Variants in MYO5C observed in about 807,000 individuals in gnomAD.
MYO5C encodes myosin VC.
MYO5C carries 194 observed loss-of-function variants against 235.7 expected under a neutral mutation model. The observed-to-expected ratio is 0.82, with a 90% CI of 0.73 to 0.93. MYO5C has a LOEUF of 0.93. Ranked by LOEUF, MYO5C falls within the 40% of genes least tolerant of loss-of-function variation. MYO5C has a pLI of 0.00. For missense variants in MYO5C, 2,038 were observed against 2,127.2 expected (o/e 0.96, Z 0.82); for synonymous variants, 707 against 754.8 (o/e 0.94, Z 1.04).
chr15:52,235,699 T>C lies in MYO5C; in HGVS notation c.2933A>G (p.Lys978Arg), dbSNP rs1292391221. ...LETQKEQIQL[K>R]LQEKTEELKE... The stretch of plus-strand genomic sequence containing the variant: ...TAACTCTTCAGTCTTCTCTTGAAGC[T>C]TCAGCTGTATTTGTTCTTTCTGTGT... The change falls in exon 23 of 41, where the codon AAG becomes AGG. Residue 978 changes from lysine (K) to arginine (R), a missense_variant. Physicochemically the swap from Lys to Arg is conservative, Grantham distance 26. Transcript: ENST00000261839. 3 of 1,612,504 alleles carry C rather than the reference T, an allele frequency of 1.9e-6. No homozygotes were observed. In the Admixed American group the frequency reaches 5.0e-5, roughly 27 times the overall value.
rs372952786 is a variant in MYO5C at position 52,195,579 on chromosome 15, G to C, written c.4996-122C>G. 30 of 574,846 alleles carry C rather than the reference G, an allele frequency of 5.2e-5. 3 individuals carry two copies. The Middle Eastern group carries it at 6.1e-3, about 117-fold the overall frequency. The allele number at this position is 574,846 out of a possible 1,614,324, so 35.6% of individuals were successfully genotyped here. ...GGTGGTTCTTTTAGCCTATAATTTG[G>C]TTCAGGAACTGTATGTTACCTATTT... On this transcript the variant is annotated intron_variant, in intron 39 of 40. Transcript: ENST00000261839.
chr15:52,210,411 C>T (rs1196960182), intron 35 of MYO5C, among the ~76,000 whole-genome samples: 1 of 152,160 alleles, frequency 6.6e-6, no homozygotes, highest in Non-Finnish European at 1.5e-5. Flanking sequence ...GCATGGAAAA[C>T]ACTGTTATTT....
At chr15:52,194,296 G>T (rs1487718302) in intron 40 of MYO5C, among the ~76,000 whole-genome samples, 1 of 152,194 alleles carries the variant, frequency 6.6e-6, no homozygotes, top group Non-Finnish European at 1.5e-5. Context: ...TTTCCCATGG[G>T]ATGAGTTGAC....
chr15:52,234,054 A>G (rs568570565), intron 23 of MYO5C, among the ~76,000 whole-genome samples: 2 of 152,256 alleles, frequency 1.3e-5, no homozygotes, highest in South Asian at 4.1e-4. Flanking sequence ...TTTAGAAGCC[A>G]ACACGTTTTA....
intron 10 of MYO5C, among the ~76,000 whole-genome samples, chr15:52,258,958 T>G (rs1386227796): frequency 6.6e-6 from 1 of 152,138 alleles, no homozygotes; most frequent in Non-Finnish European, 1.5e-5. Flanking sequence ...CCCCACCCTC[T>G]GCTAACCTCC....
In MYO5C at chr15:52,209,167, A is replaced by C. The variant is rs538538732; in HGVS notation, c.4297-524T>G. ...CTTACAGGGCAGGAAGAAGAGGAAC[A>C]AGCAGTGAAGGCAGAGCTACAGTGA... On this transcript the variant is annotated intron_variant, in intron 35 of 40. Transcript: ENST00000261839. Among the ~76,000 whole-genome samples, 9 of 152,274 alleles carry C rather than the reference A, an allele frequency of 5.9e-5. No individual in the cohort carries two copies. In the South Asian group the frequency reaches 6.2e-4, roughly 11 times the overall value.
At chr15:52,241,962 A>T in intron 20 of MYO5C, 86 bp downstream of exon 20, 2 of 1,396,968 alleles carry the variant, frequency 1.4e-6, no homozygotes, top group Non-Finnish European at 1.9e-6. Flanking sequence ...GGTTGCCCAT[A>T]GTGAAGTCTT....
chr15:52,295,703 C>A lies in MYO5C; in HGVS notation c.-67G>T. ...CGAGGCTCGGGGGCTGGGCCTGCGCCGCAGAGGCCGGGCGCAGGAGAGACC... is the reference window on the plus strand; with the variant it reads ...CGAGGCTCGGGGGCTGGGCCTGCGCAGCAGAGGCCGGGCGCAGGAGAGACC... On this transcript the variant is annotated 5_prime_UTR_variant, in exon 1 of 41. Coordinates refer to ENST00000261839, the MANE Select transcript of MYO5C (RefSeq NM_018728.4). 2 of 1,178,970 alleles carry A rather than the reference C, an allele frequency of 1.7e-6. No homozygotes were observed. The highest frequency in any genetic ancestry group is 2.0e-5 in the South Asian group (1 of 50,566). The allele number at this position is 1,178,970 out of a possible 1,614,324, so 73.0% of individuals were successfully genotyped here. A position where few individuals can be genotyped will look rare whatever the true frequency, so the allele number is the denominator to read the frequency against.
At position 52,264,286 on chromosome 15, in the gene MYO5C, C is replaced by G. The variant is rs768708085; in HGVS notation, c.951G>C (p.Glu317Asp). Residue 317 changes from glutamate (E) to aspartate (D), a missense_variant, in exon 9 of 41, where the codon GAG becomes GAC. Transcript: ENST00000261839. Reference protein sequence around the residue: ...QKTFTLLGFKEDFQMDVFKIL... With the variant: ...QKTFTLLGFKDDFQMDVFKIL... ...TTTTAAAAACGTCCATCTGAAAATC[C>G]TCCTTGAAACCTAAAAACAAACATT... The G allele has an allele frequency of 6.2e-7, 1 of 1,613,706 alleles. No homozygotes were observed. The highest frequency in any genetic ancestry group is 8.5e-7 in the Non-Finnish European group (1 of 1,179,716).
intron 36 of MYO5C, among the ~76,000 whole-genome samples, chr15:52,207,040 G>A (rs62016465): frequency 0.042 from 6,395 of 152,114 alleles, 169 homozygotes; most frequent in Non-Finnish European, 0.06. Context: ...GGCTGAGGCA[G>A]GAGAATTGCT....
rs2036000859 is a variant in MYO5C at position 52,233,025 on chromosome 15, A to ATTCTTTGCTGTGGAGAGGGGCTG, written c.2963-341_2963-340insCAGCCCCTCTCCACAGCAAAGAA. On this transcript the variant is annotated intron_variant, in intron 23 of 40. Coordinates refer to ENST00000261839, the MANE Select transcript of MYO5C (RefSeq NM_018728.4). ...CCGGGCGCGGTGGCTCACGCCTGTA[A>ATTCTTTGCTGTGGAGAGGGGCTG]TCCCAGCACTTTGGGAGGCCGAGGC... is the stretch of plus-strand genomic sequence containing the variant. 2.9e-4 allele frequency among the ~76,000 whole-genome samples: 4 copies of ATTCTTTGCTGTGGAGAGGGGCTG among 13,726 alleles called. 2 individuals carry two copies. The highest frequency in any genetic ancestry group is 7.3e-3 in the Non-Finnish European group (2 of 274). The allele number at this position is 13,726 out of a possible 152,430, so 9.0% of individuals were successfully genotyped here. A position where few individuals can be genotyped will look rare whatever the true frequency, so the allele number is the denominator to read the frequency against.
intron 34 of MYO5C, among the ~76,000 whole-genome samples, chr15:52,212,274 T>C (rs532432099): frequency 1.2e-4 from 19 of 152,048 alleles, no homozygotes; most frequent in Non-Finnish European, 2.8e-4. Flanking sequence ...CTGCCTTGAA[T>C]AGGGAAAGCA....
intron 12 of MYO5C, among the ~76,000 whole-genome samples, chr15:52,251,905 TCCAC>T (rs1177060948): frequency 6.6e-6 from 1 of 152,108 alleles, no homozygotes; most frequent in Non-Finnish European, 1.5e-5. Flanking sequence ...CCTCAGGTGA[TCCAC>T]CCACCTTGGC....
intron 25 of MYO5C, among the ~76,000 whole-genome samples, chr15:52,228,663 CAT>C (rs2035883307): frequency 6.6e-6 from 1 of 152,192 alleles, no homozygotes. Flanking sequence ...AAGATTTACT[CAT>C]AGCAATTTTG....
intron 10 of MYO5C, among the ~76,000 whole-genome samples, chr15:52,260,602 A>G (rs1004269420): frequency 1.3e-5 from 2 of 152,218 alleles, no homozygotes; most frequent in African/African-American, 2.4e-5. Context: ...GAGAAAGCCC[A>G]TGGAAGCCAA....
chr15:52,232,585 G>T, intron 24 of MYO5C, 37 bp downstream of exon 24: 1 of 1,591,372 alleles, frequency 6.3e-7, no homozygotes, highest in Non-Finnish European at 8.6e-7. Flanking sequence ...ACAGACAGAA[G>T]AAAGAAAGTA....
chr15:52,231,014 T>G (rs950364944), intron 24 of MYO5C, among the ~76,000 whole-genome samples: 8 of 148,940 alleles, frequency 5.4e-5, no homozygotes, highest in Non-Finnish European at 1.0e-4. Context: ...TTTTAGTAGA[T>G]ACGGGGTTTC....
intron 36 of MYO5C, among the ~76,000 whole-genome samples, chr15:52,206,433 C>T (rs969754368): frequency 5.3e-5 from 8 of 152,228 alleles, no homozygotes; most frequent in African/African-American, 1.9e-4. Context: ...CCCTAACCCC[C>T]TAGTGTGGCT....
chr15:52,259,092 A>G (rs1020732279), intron 10 of MYO5C, among the ~76,000 whole-genome samples: 2 of 152,150 alleles, frequency 1.3e-5, no homozygotes, highest in Admixed American at 6.5e-5. Context: ...TGCCTCCAAC[A>G]CAGTGCCTGG....
Sources: gnomAD v4.1 joint callset for allele counts (sites outside exome capture counted in the v4.1 genomes callset) on GRCh38, gnomAD v4.1.1 for gene constraint, MANE v1.5 for transcripts, NCBI Gene and HGNC (gene_info 2026-07-23, HGNC 2026-07-21) for gene names.